Variants in BPTF observed in about 807,000 individuals in gnomAD.
The protein encoded by BPTF is nucleosome-remodeling factor subunit BPTF.
Under a neutral mutation model 292.5 loss-of-function variants are expected in BPTF, and 18 were observed. That is an observed-to-expected ratio of 0.06 (90% CI 0.04 to 0.09). BPTF has a LOEUF of 0.09. BPTF is among the 10% of genes least tolerant of loss of function. BPTF has a pLI of 1.00. For missense variants in BPTF, 2,726 were observed against 3,498.7 expected, an observed-to-expected ratio of 0.78 and a Z score of 5.57; for synonymous variants, 1,225 against 1,251.9, an observed-to-expected ratio of 0.98 and a Z score of 0.45.
At chr17:67,954,993 A>G (rs192523194) in intron 23 of BPTF, among the ~76,000 whole-genome samples, 13 of 152,294 alleles carry the variant, frequency 8.5e-5, no homozygotes, top group Admixed American at 3.3e-4. Context: ...TATTTGTGAT[A>G]TGTTTAAAAG....
At chr17:67,938,623 G>A (rs1015942599) in intron 18 of BPTF, among the ~76,000 whole-genome samples, 2 of 152,114 alleles carry the variant, frequency 1.3e-5, no homozygotes, top group African/African-American at 2.4e-5. Context: ...CTTATAGTTT[G>A]GGGGGAAAAT....
rs762904421 is a variant in BPTF, at chr17:67,826,117, CGAGGAGGAG to C, written c.399_407del (p.Glu136_Glu138del). 1.5e-4 allele frequency: 204 copies of C among 1,398,470 alleles called. No homozygotes were observed. In the Admixed American group the frequency reaches 2.5e-3, roughly 17 times the overall value. 86.6% of individuals were successfully genotyped at this position (1,398,470 alleles called of 1,614,324 possible). A position where few individuals can be genotyped will look rare whatever the true frequency, so the allele number is the denominator to read the frequency against. ...AAGTGGTGTACGATGACCACGAGAGCGAGGAGGAGGAGGAAGAGGAGGACATGGTCTCCG... is the reference window on the plus strand; with the variant it reads ...AAGTGGTGTACGATGACCACGAGAGCGAGGAAGAGGAGGACATGGTCTCCG... On this transcript the variant is annotated inframe_deletion, in exon 1 of 28. Coordinates refer to ENST00000306378, the MANE Select transcript of BPTF (RefSeq NM_182641.4).
At chr17:67,832,963 A>AT (rs113039026) in intron 1 of BPTF, among the ~76,000 whole-genome samples, 2,924 of 124,804 alleles carry the variant, frequency 0.023, 88 homozygotes, top group African/African-American at 0.069. Context: ...AATTTTTTGT[A>AT]TTTTTTTTTT....
rs201333688 is a variant in BPTF at position 67,975,994 on chromosome 17, A to G, written c.8726+36A>G. On this transcript the variant is annotated intron_variant, in intron 27 of 27. Coordinates refer to ENST00000306378, the MANE Select transcript of BPTF (RefSeq NM_182641.4). ...GGGTTCGGTATTCTGAATTAATTCA[A>G]CTCTTCACACTCTTTATACTATTCT... 8.0e-6 allele frequency: 12 copies of G among 1,503,620 alleles called. No individual in the cohort carries two copies. The East Asian group carries it at 9.1e-5, about 11-fold the overall frequency. 93.1% of individuals were successfully genotyped at this position (1,503,620 alleles called of 1,614,324 possible). A position where few individuals can be genotyped will look rare whatever the true frequency, so the allele number is the denominator to read the frequency against.
In BPTF at chr17:67,904,067, T is replaced by G. The variant is rs1217646097; in HGVS notation, c.2673+149T>G. 26 of 777,166 alleles carry G rather than the reference T, an allele frequency of 3.3e-5. 1 individual carries two copies. Among genetic ancestry groups the G allele is most frequent in the Non-Finnish European group, 4.9e-5 (26 of 526,934 alleles). The allele number at this position is 777,166 out of a possible 1,614,324, so 48.1% of individuals were successfully genotyped here. ...ATTTTGAGACAGAGTCTCGCTCTGT[T>G]GCCCAGATTGGAGTGCAGTGGCACA... On this transcript the variant is annotated intron_variant, in intron 8 of 27. Coordinates refer to ENST00000306378, the MANE Select transcript of BPTF (RefSeq NM_182641.4).
Position 67,861,465 on chromosome 17 carries a change from C to T in BPTF, c.1437-4999C>T, listed in dbSNP as rs555199607. Among the ~76,000 whole-genome samples the T allele has an allele frequency of 1.8e-4, 28 of 151,818 alleles. 1 individual carries two copies. In the South Asian group the frequency reaches 5.0e-3, roughly 27 times the overall value. ...CCGAGTGGGTGGGATTACGGGCGGC[C>T]GCCACCACACCTGGCTAATTTTGTA... is the stretch of plus-strand genomic sequence containing the variant. On this transcript the variant is annotated intron_variant, in intron 2 of 27. Transcript: ENST00000306378.
chr17:67,849,049 G>A (rs2058226550), intron 1 of BPTF, among the ~76,000 whole-genome samples: 2 of 152,052 alleles, frequency 1.3e-5, no homozygotes, highest in Non-Finnish European at 2.9e-5. Context: ...TGTTGTAATC[G>A]TGCCTCCTGA....
chr17:67,906,994 G>C (rs1229735124), intron 9 of BPTF, among the ~76,000 whole-genome samples: 2 of 151,960 alleles, frequency 1.3e-5, no homozygotes, highest in Non-Finnish European at 2.9e-5. Flanking sequence ...GAAACAGCCT[G>C]GGCAACATGG....
chr17:67,862,203 C>T (rs1254128785), intron 2 of BPTF, among the ~76,000 whole-genome samples: 7 of 152,156 alleles, frequency 4.6e-5, no homozygotes, highest in African/African-American at 1.4e-4. Flanking sequence ...TTTGGACTCC[C>T]GACCTCAGGT....
chr17:67,861,054 C>T (rs1047327477), intron 2 of BPTF, among the ~76,000 whole-genome samples: 43 of 152,188 alleles, frequency 2.8e-4, no homozygotes, highest in Admixed American at 2.8e-3. Context: ...AAGGCAGGCA[C>T]CTCAAACGTG....
Position 67,869,827 on chromosome 17 carries a change from CAAAA to C in BPTF, c.1660+3162_1660+3165del, listed in dbSNP as rs772941425. Among the ~76,000 whole-genome samples the C allele has an allele frequency of 5.7e-4, 32 of 56,430 alleles. No individual in the cohort carries two copies. In the East Asian group the frequency reaches 0.013, roughly 23 times the overall value. 37.0% of individuals were successfully genotyped at this position (56,430 alleles called of 152,430 possible). ...TGAAACCCCGTCTCTACTAAAAATA[CAAAA>C]AAAAAAAAAAAAAAAAAAAAATTAG... On this transcript the variant is annotated intron_variant, in intron 3 of 27. Transcript: ENST00000306378.
intron 4 of BPTF, among the ~76,000 whole-genome samples, chr17:67,879,807 C>T (rs112256587): frequency 6.6e-6 from 1 of 152,090 alleles, no homozygotes; most frequent in Non-Finnish European, 1.5e-5. Flanking sequence ...ACAGTCAGCT[C>T]TAGTGGGAAC....
chr17:67,912,100 C>G lies in BPTF; in HGVS notation c.4216C>G (p.Gln1406Glu). 6.2e-7 allele frequency: 1 copy of G among 1,606,376 alleles called. No individual in the cohort carries two copies. Among genetic ancestry groups the G allele is most frequent in the Non-Finnish European group, 8.5e-7 (1 of 1,177,698 alleles). The change falls in exon 11 of 28, where the codon CAA becomes GAA. Residue 1406 changes from glutamine to glutamate, a missense_variant. By Grantham distance (29) the Gln-to-Glu change is conservative. Around this residue, in one of 22 missense-constraint regions of BPTF, gnomAD observed 713 missense variants for 714.9 expected, o/e 1.00. Transcript: ENST00000306378. ...EKKGQRTSTF[Q>E]INGKDNKPKI... is the part of the protein sequence containing the mutation. ...GAAAGGACAGAGAACAAGTACATTTCAAATAAATGGAAAAGATAATAAACC... is the reference window on the plus strand; with the variant it reads ...GAAAGGACAGAGAACAAGTACATTTGAAATAAATGGAAAAGATAATAAACC...
At chr17:67,894,934 A>G (rs956403336) in intron 7 of BPTF, among the ~76,000 whole-genome samples, 2 of 152,210 alleles carry the variant, frequency 1.3e-5, no homozygotes, top group African/African-American at 4.8e-5. Flanking sequence ...GCCCTGATAG[A>G]CTTGCTTTGT....
intron 1 of BPTF, among the ~76,000 whole-genome samples, chr17:67,832,364 T>C (rs2056768186): frequency 1.3e-5 from 2 of 152,354 alleles, no homozygotes; most frequent in South Asian, 4.1e-4. Flanking sequence ...TTAATTGTTT[T>C]GTCTGCTGGT....
Position 67,931,041 on chromosome 17 carries a change from C to T in BPTF, c.6151-870C>T, listed in dbSNP as rs564290106. ...CAGCACTTTGGGAAGCCAAGGGGGGCGGATCACAAGGTCAAGAGATCGAAA... is the reference window on the plus strand; with the variant it reads ...CAGCACTTTGGGAAGCCAAGGGGGGTGGATCACAAGGTCAAGAGATCGAAA... On this transcript the variant is annotated intron_variant, in intron 17 of 27. Transcript: ENST00000306378. Among the ~76,000 whole-genome samples the T allele has an allele frequency of 2.6e-5, 4 of 151,624 alleles. No homozygotes were observed. In the South Asian group the frequency reaches 6.2e-4, roughly 24 times the overall value.
At chr17:67,903,429 A>G (rs919286524) in intron 7 of BPTF, among the ~76,000 whole-genome samples, 4 of 152,246 alleles carry the variant, frequency 2.6e-5, no homozygotes, top group African/African-American at 9.6e-5. Flanking sequence ...GTAATTATCC[A>G]TTGATTAAAA....
rs183201562 is a variant in BPTF, at chr17:67,907,092, G to A, written c.2812+2252G>A. Among the ~76,000 whole-genome samples, 141 of 151,772 alleles carry A rather than the reference G, an allele frequency of 9.3e-4. 1 individual carries two copies. Among genetic ancestry groups the A allele is most frequent in the African/African-American group, 3.1e-3 (128 of 41,396 alleles). On this transcript the variant is annotated intron_variant, in intron 9 of 27. Transcript: ENST00000306378. ...CCCAGTTACTCAGGAGGCTGATGAG[G>A]GAGGATCGTTTGAGCCCAGGAGTTC...
chr17:67,960,036 C>T (rs540126651), intron 24 of BPTF, 161 bp downstream of exon 24: 22 of 566,260 alleles, frequency 3.9e-5, no homozygotes, highest in African/African-American at 3.7e-4. Context: ...TTACCATTGA[C>T]GCTAGTAAAG....
Sources: allele counts gnomAD v4.1 joint callset (sites outside exome capture counted in the v4.1 genomes callset), GRCh38; gene constraint gnomAD v4.1.1; regional missense constraint gnomAD v4.1.1; transcripts MANE v1.5; gene names NCBI Gene and HGNC (gene_info 2026-07-23, HGNC 2026-07-21).